The following COL11A1 variants were observed in gnomAD, a reference collection of about 807,000 sequenced individuals.
COL11A1 encodes the protein collagen alpha-1(XI) chain.
COL11A1 carries 74 observed loss-of-function variants against 265.2 expected under a neutral mutation model. That is an observed-to-expected ratio of 0.28 (90% CI 0.23 to 0.34). COL11A1 has a LOEUF of 0.34. Ranked by LOEUF, COL11A1 falls within the 10% of genes least tolerant of loss-of-function variation. COL11A1 has a pLI of 1.00. For missense variants in COL11A1, 2,165 were observed against 2,263.6 expected, an observed-to-expected ratio of 0.96 and a Z score of 0.88; for synonymous variants, 816 against 727.6, an observed-to-expected ratio of 1.12 and a Z score of -1.96.
At chr1:103,058,027 G>C (rs1670374017) in intron 4 of COL11A1, among the ~76,000 whole-genome samples, 1 of 152,132 alleles carries the variant, frequency 6.6e-6, no homozygotes, top group Non-Finnish European at 1.5e-5. Context: ...ATCTTAGATG[G>C]TATCTTCTTC....
chr1:102,887,500 T>TA (rs1366366902), intron 62 of COL11A1, among the ~76,000 whole-genome samples: 1 of 152,296 alleles, frequency 6.6e-6, no homozygotes, highest in East Asian at 1.9e-4. Context: ...CATTAAACTT[T>TA]AAAAAATATG....
intron 54 of COL11A1, among the ~76,000 whole-genome samples, chr1:102,899,447 T>C (rs1323049136): frequency 6.6e-6 from 1 of 152,114 alleles, no homozygotes. Flanking sequence ...CAGGATCACA[T>C]AACAACTAAA....
intron 2 of COL11A1, among the ~76,000 whole-genome samples, chr1:103,082,059 C>A (rs1321229740): frequency 6.6e-6 from 1 of 151,838 alleles, no homozygotes; most frequent in Non-Finnish European, 1.5e-5. Context: ...TGTCATTTCA[C>A]CACTCAATTC....
chr1:103,015,287 A>G (rs1192038676), intron 12 of COL11A1, among the ~76,000 whole-genome samples: 1 of 152,054 alleles, frequency 6.6e-6, no homozygotes, highest in Non-Finnish European at 1.5e-5. Context: ...TTTTTGAGCA[A>G]TGAATAATAA....
At chr1:103,080,553 C>A (rs867292540) in intron 2 of COL11A1, among the ~76,000 whole-genome samples, 2 of 151,572 alleles carry the variant, frequency 1.3e-5, no homozygotes, top group Admixed American at 6.6e-5. Flanking sequence ...AAATGGCTAA[C>A]GGGTATATGA....
At chr1:103,101,927 C>T (rs111390970) in intron 1 of COL11A1, among the ~76,000 whole-genome samples, 10 of 152,104 alleles carry the variant, frequency 6.6e-5, no homozygotes, top group African/African-American at 1.7e-4. Flanking sequence ...TAATTCCATG[C>T]GCAGCAAGCA....
intron 4 of COL11A1, among the ~76,000 whole-genome samples, chr1:103,055,483 TTTG>T (rs1161322247): frequency 2.0e-5 from 3 of 152,200 alleles, no homozygotes; most frequent in African/African-American, 7.2e-5. Flanking sequence ...GATAGCTTAT[TTTG>T]TTTTCTTTCT....
At chr1:102,946,255 C>A (rs1422363146) in intron 42 of COL11A1, among the ~76,000 whole-genome samples, 1 of 149,508 alleles carries the variant, frequency 6.7e-6, no homozygotes, top group Non-Finnish European at 1.5e-5. Flanking sequence ...TGCAGCACAC[C>A]AGCATGGCAC....
chr1:103,107,935 A>C, intron 1 of COL11A1, 138 bp downstream of exon 1: 2 of 717,660 alleles, frequency 2.8e-6, no homozygotes, highest in Non-Finnish European at 2.4e-6. Context: ...TAGCAGCTAC[A>C]ATCTGGATTG....
chr1:102,969,218 C>T (rs1293111922), intron 37 of COL11A1, among the ~76,000 whole-genome samples: 1 of 152,186 alleles, frequency 6.6e-6, no homozygotes. Flanking sequence ...AGAATTGCCA[C>T]ATGGTAAGCA....
At chr1:102,935,265 A>G in intron 44 of COL11A1, 152 bp from the exon 45 acceptor site, 1 of 650,478 alleles carries the variant, frequency 1.5e-6, no homozygotes, top group South Asian at 1.8e-5. Flanking sequence ...ATTTACTGCA[A>G]TCATTATTTA....
intron 4 of COL11A1, among the ~76,000 whole-genome samples, chr1:103,049,213 A>C (rs1278206698): frequency 2.6e-5 from 4 of 152,124 alleles, no homozygotes; most frequent in Non-Finnish European, 4.4e-5. Context: ...AAAGTCTCCC[A>C]TTATTATTGT....
chr1:102,961,312 A>C (rs1017108312), intron 41 of COL11A1, among the ~76,000 whole-genome samples: 1 of 152,196 alleles, frequency 6.6e-6, no homozygotes, highest in African/African-American at 2.4e-5. Flanking sequence ...ATTATTTCAT[A>C]ATGTTTTGAT....
intron 43 of COL11A1, 152 bp from the exon 44 acceptor site, chr1:102,939,240 T>C: frequency 1.4e-6 from 1 of 699,792 alleles, no homozygotes; most frequent in African/African-American, 1.8e-5. Flanking sequence ...TTCCCACTGC[T>C]TCTAGCTTTC....
At chr1:103,073,064 CT>C (rs1440626987) in intron 4 of COL11A1, among the ~76,000 whole-genome samples, 41 of 151,732 alleles carry the variant, frequency 2.7e-4, no homozygotes, top group African/African-American at 9.6e-4. Flanking sequence ...TGCGAAGTAG[CT>C]TAATAAACTT....
intron 57 of COL11A1, among the ~76,000 whole-genome samples, chr1:102,892,828 A>G (rs868038541): frequency 6.6e-6 from 1 of 152,170 alleles, no homozygotes; most frequent in Admixed American, 6.5e-5. Context: ...AACAACAGAC[A>G]AAAGTTATTT....
chr1:103,080,814 A>G (rs1337034660), intron 2 of COL11A1, among the ~76,000 whole-genome samples: 1 of 151,908 alleles, frequency 6.6e-6, no homozygotes, highest in Non-Finnish European at 1.5e-5. Flanking sequence ...GTATACATAC[A>G]AAGGAAATGC....
intron 62 of COL11A1, among the ~76,000 whole-genome samples, chr1:102,888,146 G>A (rs561146664): frequency 1.3e-5 from 2 of 152,260 alleles, no homozygotes; most frequent in East Asian, 1.9e-4. Context: ...GTTATGTGAA[G>A]CCTAGAACAT....
intron 25 of COL11A1, among the ~76,000 whole-genome samples, chr1:102,997,512 G>T (rs564891919): frequency 6.6e-6 from 1 of 151,998 alleles, no homozygotes; most frequent in East Asian, 1.9e-4. Flanking sequence ...CTTCAAAGGG[G>T]CACTAAGACA....
Sources: allele counts gnomAD v4.1 joint callset (sites outside exome capture counted in the v4.1 genomes callset), GRCh38; gene constraint gnomAD v4.1.1; transcripts MANE v1.5; gene names NCBI Gene and HGNC (gene_info 2026-07-23, HGNC 2026-07-21).